Variants in CDK15 observed in about 807,000 individuals in gnomAD.
CDK15 encodes the protein cyclin dependent kinase 15.
Under a neutral mutation model 60.3 loss-of-function variants are expected in CDK15, and 62 were observed. The observed-to-expected ratio is 1.03, with a 90% confidence interval of 0.84 to 1.27. CDK15 has a LOEUF of 1.27. Ranked by LOEUF, CDK15 falls within the 50% of genes most tolerant of loss-of-function variation. The pLI is 0.00. For synonymous variants in CDK15, 194 were observed against 195.7 expected (o/e 0.99, Z 0.07); for missense variants, 541 against 527.8 (o/e 1.03, Z -0.25).
chr2:201,847,617 C>A, intron 9 of CDK15, 143 bp downstream of exon 9: 2 of 705,066 alleles, frequency 2.8e-6, no homozygotes, highest in Non-Finnish European at 4.7e-6. Flanking sequence ...TAGCATTTGC[C>A]ACAGCTATAA....
At chr2:201,888,460 A>G in intron 12 of CDK15, 1 of 1,535,254 alleles carries the variant, frequency 6.5e-7, no homozygotes, top group East Asian at 2.4e-5. Context: ...TTATTCTAAG[A>G]GTGAAGCAGC....
At chr2:201,820,213 T>A (rs933957357) in intron 4 of CDK15, among the ~76,000 whole-genome samples, 1 of 152,122 alleles carries the variant, frequency 6.6e-6, no homozygotes, top group Non-Finnish European at 1.5e-5. Context: ...AAGAGAGAAA[T>A]TTATGAGATA....
Position 201,882,834 on chromosome 2 carries a change from G to T in CDK15, c.1198+2667G>T, listed in dbSNP as rs1484589184. On this transcript the variant is annotated intron_variant, in intron 12 of 13. Coordinates refer to ENST00000652192, the MANE Select transcript of CDK15 (RefSeq NM_001366386.2). This position sits in a 1 kb window ranked among gnomAD's most constrained non-coding sequence, Gnocchi z 4.0. ...AGCCAGGGCTGGTTTGTGCACCTTC[G>T]TGACAGTGGCTCTCACCACCAGCAC... 6.6e-6 allele frequency among the ~76,000 whole-genome samples: 1 copy of T among 152,220 alleles called. No individual in the cohort carries two copies. The highest frequency in any genetic ancestry group is 1.9e-4 in the East Asian group (1 of 5,202).
chr2:201,814,480 C>A (rs1189346047), intron 4 of CDK15, among the ~76,000 whole-genome samples: 1 of 152,192 alleles, frequency 6.6e-6, no homozygotes, highest in Non-Finnish European at 1.5e-5. Flanking sequence ...GCTTGGAGCC[C>A]TTGTTAAAAG....
At chr2:201,825,484 A>C (rs768530538) in intron 6 of CDK15, among the ~76,000 whole-genome samples, 1 of 134,796 alleles carries the variant, frequency 7.4e-6, no homozygotes, top group Non-Finnish European at 1.6e-5. Context: ...ATGTTTGAGG[A>C]CAAAGGGTTA....
At chr2:201,884,191 TTC>T (rs141990706) in intron 12 of CDK15, among the ~76,000 whole-genome samples, 5 of 150,946 alleles carry the variant, frequency 3.3e-5, no homozygotes, top group Non-Finnish European at 4.4e-5. Context: ...CTGTCTCTCT[TTC>T]TCTCTCTCTC....
chr2:201,893,201 T>G (rs1254349850), intron 13 of CDK15, 100 bp from the exon 14 acceptor site: 3 of 152,230 alleles, frequency 2.0e-5, no homozygotes, highest in African/African-American at 4.8e-5. Flanking sequence ...TATCAATATA[T>G]ATAATGCCAT....
At chr2:201,877,606 C>T (rs1699127496) in intron 11 of CDK15, among the ~76,000 whole-genome samples, 1 of 152,158 alleles carries the variant, frequency 6.6e-6, no homozygotes, top group Admixed American at 6.5e-5. Context: ...GTGATTTGTA[C>T]TAACATTCCT....
At chr2:201,887,846 A>T (rs114115503) in intron 12 of CDK15, among the ~76,000 whole-genome samples, 6 of 152,274 alleles carry the variant, frequency 3.9e-5, no homozygotes, top group Non-Finnish European at 8.8e-5. Context: ...TGGGCTTTGA[A>T]GATATGAATT....
Position 201,806,747 on chromosome 2 carries a change from G to GCAC in CDK15, c.83_84insCAC (p.Cys28_Arg29insThr), listed in dbSNP as rs1236948660. 2 of 1,598,422 alleles carry GCAC rather than the reference G, an allele frequency of 1.3e-6. No homozygotes were observed. The highest frequency in any genetic ancestry group is 1.7e-6 in the Non-Finnish European group (2 of 1,179,728). ...TCAGAGGGAGGCGAGGCACACAGCT[G>GCAC]TCGGAGGAGTCAGCCTGAGACCACG... On this transcript the variant is annotated inframe_insertion, in exon 1 of 14. Transcript: ENST00000652192.
rs773644696 is a variant in CDK15 at position 201,835,739 on chromosome 2, A to G, written c.827A>G (p.Glu276Gly). The change falls in exon 8 of 14, where the codon GAA (glutamate) becomes GGA (glycine). Residue 276 changes from glutamate to glycine, a missense_variant. Glu to Gly is a moderately conservative substitution (Grantham distance 98, BLOSUM62 -2). Coordinates refer to ENST00000652192, the MANE Select transcript of CDK15 (RefSeq NM_001366386.2). ...RPPDALLGAT[E>G]YSSELDIWGA... ...CCTGATGCTTTGCTGGGAGCCACTG[A>G]ATATTCCTCTGAGCTGGACATATGG... is the stretch of plus-strand genomic sequence containing the variant. 45 of 1,609,524 alleles carry G rather than the reference A, an allele frequency of 2.8e-5. No homozygotes were observed. The highest frequency in any genetic ancestry group is 3.7e-5 in the Non-Finnish European group (44 of 1,177,042).
intron 1 of CDK15, 123 bp downstream of exon 1, chr2:201,806,910 A>G (rs1695536514): frequency 1.0e-5 from 12 of 1,157,022 alleles, no homozygotes; most frequent in Non-Finnish European, 1.4e-5. Context: ...TGAAAATTCT[A>G]TTAAAGTCAC....
rs6728634 is a variant in CDK15 at position 201,854,251 on chromosome 2, G to A, written c.946-623G>A. ...ATGTTGTTCCCATGACAATCCATCA[G>A]TGAAAAACCAAATACCATATTCCAA... On this transcript the variant is annotated intron_variant, in intron 9 of 13. Coordinates refer to ENST00000652192, the MANE Select transcript of CDK15 (RefSeq NM_001366386.2). 4.4e-3 allele frequency among the ~76,000 whole-genome samples: 665 copies of A among 152,112 alleles called. 3 individuals are homozygous for A. The highest frequency in any genetic ancestry group is 0.015 in the African/African-American group (611 of 41,484).
chr2:201,876,098 T>C (rs1470134865), intron 11 of CDK15, among the ~76,000 whole-genome samples: 1 of 152,204 alleles, frequency 6.6e-6, no homozygotes, highest in Non-Finnish European at 1.5e-5. Flanking sequence ...AAGGTGCTGG[T>C]AGGCAAATTA....
intron 11 of CDK15, 31 bp downstream of exon 11, chr2:201,872,357 G>A (rs1431913365): frequency 2.2e-6 from 3 of 1,340,098 alleles, no homozygotes; most frequent in East Asian, 2.2e-5. Context: ...GGATCTTTAA[G>A]GGATCTTTAA....
chr2:201,810,373 C>CA (rs111317908), intron 3 of CDK15, among the ~76,000 whole-genome samples: 1,655 of 138,272 alleles, frequency 0.012, 19 homozygotes, highest in Non-Finnish European at 0.019. Flanking sequence ...TCAAATAGGC[C>CA]AAAAAAAAAA....
intron 10 of CDK15, 122 bp from the exon 11 acceptor site, chr2:201,872,156 C>T (rs552409755): frequency 2.0e-6 from 2 of 1,012,100 alleles, no homozygotes; most frequent in South Asian, 2.6e-5. Context: ...CATTAGCCTA[C>T]CTGATACTTG....
rs1698103153 is a variant in CDK15, at chr2:201,855,436, T to C, written c.1009+499T>C. On this transcript the variant is annotated intron_variant, in intron 10 of 13. Transcript: ENST00000652192. ...TGCCTGTAAACCTGACACTTGGTCATTGTCTCTCACACATTTCATCTTTCA... is the reference window on the plus strand; with the variant it reads ...TGCCTGTAAACCTGACACTTGGTCACTGTCTCTCACACATTTCATCTTTCA... Among the ~76,000 whole-genome samples the C allele has an allele frequency of 2.0e-5, 3 of 152,232 alleles. No individual in the cohort carries two copies. The South Asian group carries it at 6.2e-4, about 31-fold the overall frequency.
At chr2:201,838,840 AT>A (rs1395931858) in intron 8 of CDK15, among the ~76,000 whole-genome samples, 2 of 151,792 alleles carry the variant, frequency 1.3e-5, no homozygotes, top group East Asian at 1.9e-4. Context: ...TTCTACCAAA[AT>A]TTTTTTTCCT....
Sources: allele counts gnomAD v4.1 joint callset (sites outside exome capture counted in the v4.1 genomes callset), GRCh38; gene constraint gnomAD v4.1.1; non-coding constraint Gnocchi (gnomAD v3.1); transcripts MANE v1.5; gene names NCBI Gene and HGNC (gene_info 2026-07-23, HGNC 2026-07-21).